Variants in EBF2 observed in about 807,000 individuals in gnomAD.
The protein encoded by EBF2 is EBF transcription factor 2.
Under a neutral mutation model 72.8 loss-of-function variants are expected in EBF2, and 21 were observed. The ratio of observed to expected loss-of-function variants is 0.29; its 90% CI spans 0.20 to 0.42. EBF2 has a LOEUF of 0.42. Ranked by LOEUF, EBF2 falls within the 10% of genes least tolerant of loss-of-function variation. The probability of loss-of-function intolerance (pLI) is 1.00; values close to 1 mark genes in which losing one functional copy is unlikely to be tolerated. For synonymous variants in EBF2, 299 were observed against 274.2 expected (o/e 1.09, Z -0.89); for missense variants, 637 against 731.2 (o/e 0.87, Z 1.49).
chr8:25,916,154 T>C (rs1277745490), intron 6 of EBF2, among the ~76,000 whole-genome samples: 1 of 151,492 alleles, frequency 6.6e-6, no homozygotes, highest in African/African-American at 2.4e-5. Flanking sequence ...GGTGTGGTGG[T>C]GCACACCTGT....
intron 10 of EBF2, among the ~76,000 whole-genome samples, chr8:25,881,236 T>TG (rs1259761148): frequency 6.6e-6 from 1 of 152,152 alleles, no homozygotes; most frequent in Non-Finnish European, 1.5e-5. Context: ...GAGGAAGAGC[T>TG]GAAAAAAAAC....
chr8:26,000,474 T>C (rs1585221871), intron 6 of EBF2, among the ~76,000 whole-genome samples: 1 of 152,110 alleles, frequency 6.6e-6, no homozygotes, highest in East Asian at 1.9e-4. Context: ...ATGAGAAAAA[T>C]AAGACAAATT....
chr8:26,012,453 C>A (rs1384082200), intron 6 of EBF2, among the ~76,000 whole-genome samples: 2 of 152,142 alleles, frequency 1.3e-5, no homozygotes, highest in African/African-American at 2.4e-5. Flanking sequence ...TTCAGTAATT[C>A]CTGATACATA....
At chr8:25,858,835 A>G (rs1465937916) in intron 13 of EBF2, among the ~76,000 whole-genome samples, 1 of 151,228 alleles carries the variant, frequency 6.6e-6, no homozygotes. Flanking sequence ...TAATTTTTGT[A>G]CTTTTAGTGG....
rs760786092 is a variant in EBF2 at position 26,017,154 on chromosome 8, T to TAAAAAA, written c.551+15925_551+15930dup. Among the ~76,000 whole-genome samples, 450 of 139,410 alleles carry TAAAAAA rather than the reference T, an allele frequency of 3.2e-3. 3 individuals are homozygous for TAAAAAA. The highest frequency in any genetic ancestry group is 0.011 in the African/African-American group (422 of 37,834). The allele number at this position is 139,410 out of a possible 152,430, so 91.5% of individuals were successfully genotyped here. On this transcript the variant is annotated intron_variant, in intron 6 of 15. Coordinates refer to ENST00000520164, the MANE Select transcript of EBF2 (RefSeq NM_022659.4). ...TGTTTTGCCATGCAGTCCCCTTATT[T>TAAAAAA]AAAAAAAAAAAAAAAGACTCAAAGG...
chr8:25,853,325 A>ATAAG (rs1211577220), intron 14 of EBF2, among the ~76,000 whole-genome samples: 1 of 152,108 alleles, frequency 6.6e-6, no homozygotes, highest in African/African-American at 2.4e-5. Context: ...TCAATAGCTC[A>ATAAG]TAAGTTAATT....
At chr8:26,039,954 G>C in intron 5 of EBF2, 74 bp downstream of exon 5, 1 of 1,536,668 alleles carries the variant, frequency 6.5e-7, no homozygotes, top group South Asian at 1.1e-5. Flanking sequence ...TTAGTCCCGG[G>C]AACGCGGCGC....
chr8:25,989,348 G>C (rs1051071840), intron 6 of EBF2, among the ~76,000 whole-genome samples: 4 of 152,162 alleles, frequency 2.6e-5, no homozygotes, highest in African/African-American at 9.7e-5. Context: ...GTGACATTAA[G>C]GCAAGGTTTT....
chr8:25,961,594 C>A (rs1487336748), intron 6 of EBF2, among the ~76,000 whole-genome samples: 1 of 152,142 alleles, frequency 6.6e-6, no homozygotes, highest in African/African-American at 2.4e-5. Context: ...AACTCTTGAC[C>A]TTATGATCCA....
intron 6 of EBF2, among the ~76,000 whole-genome samples, chr8:25,995,021 ATACAG>A (rs1453899495): frequency 6.6e-6 from 1 of 152,188 alleles, no homozygotes; most frequent in East Asian, 1.9e-4. Flanking sequence ...AAGAAGATAT[ATACAG>A]TAGGCGTGGT....
chr8:25,897,256 T>A (rs1376252346), intron 7 of EBF2, among the ~76,000 whole-genome samples: 1 of 152,230 alleles, frequency 6.6e-6, no homozygotes. Flanking sequence ...TCTGTCAAGT[T>A]TAAACTGATA....
chr8:25,862,542 G>A (rs1377758465), intron 11 of EBF2, among the ~76,000 whole-genome samples, 167 bp downstream of exon 11: 1 of 151,978 alleles, frequency 6.6e-6, no homozygotes, highest in Non-Finnish European at 1.5e-5. Flanking sequence ...TAATAAATAA[G>A]ACCATAATAT....
chr8:25,919,712 G>A (rs1803277363), intron 6 of EBF2, among the ~76,000 whole-genome samples: 1 of 152,204 alleles, frequency 6.6e-6, no homozygotes, highest in Non-Finnish European at 1.5e-5. Context: ...CTCGGAGGCT[G>A]TTGGCCAAAG....
chr8:25,963,439 C>A (rs896629703), intron 6 of EBF2, among the ~76,000 whole-genome samples: 10 of 152,220 alleles, frequency 6.6e-5, no homozygotes, highest in African/African-American at 2.4e-4. Context: ...CACAATACTT[C>A]TTTCCATCAT....
At chr8:25,982,151 T>C (rs1804372439) in intron 6 of EBF2, among the ~76,000 whole-genome samples, 1 of 152,228 alleles carries the variant, frequency 6.6e-6, no homozygotes. Context: ...CTCAGACACC[T>C]GGGCTTCAGT....
At chr8:25,865,966 A>G (rs1412695716) in intron 10 of EBF2, among the ~76,000 whole-genome samples, 2 of 151,772 alleles carry the variant, frequency 1.3e-5, no homozygotes, top group Non-Finnish European at 2.9e-5. Flanking sequence ...TGGAGCTTGC[A>G]GTGAGCCAAG....
intron 10 of EBF2, among the ~76,000 whole-genome samples, chr8:25,868,413 AT>A (rs1802371566): frequency 1.3e-5 from 2 of 152,162 alleles, no homozygotes; most frequent in African/African-American, 4.8e-5. Context: ...GTCTTCCCAC[AT>A]TCTCATTTCT....
At chr8:25,924,204 T>G (rs181093426) in intron 6 of EBF2, among the ~76,000 whole-genome samples, 4 of 152,220 alleles carry the variant, frequency 2.6e-5, no homozygotes, top group African/African-American at 7.2e-5. Context: ...GGGTAATGCC[T>G]CTGAGAGATG....
chr8:25,929,648 G>A (rs968913587), intron 6 of EBF2, among the ~76,000 whole-genome samples: 3 of 151,992 alleles, frequency 2.0e-5, no homozygotes, highest in Admixed American at 1.3e-4. Flanking sequence ...ACACACAAAT[G>A]CTATCTCCCT....
Sources: allele counts gnomAD v4.1 joint callset (sites outside exome capture counted in the v4.1 genomes callset), GRCh38; gene constraint gnomAD v4.1.1; transcripts MANE v1.5; gene names NCBI Gene and HGNC (gene_info 2026-07-23, HGNC 2026-07-21).